Variants in MBNL3 observed in about 807,000 individuals in gnomAD.
MBNL3 encodes the protein muscleblind-like protein 3.
Under a neutral mutation model 24.5 loss-of-function variants are expected in MBNL3, and 6 were observed. The ratio of observed to expected loss-of-function variants is 0.25; its 90% CI spans 0.13 to 0.48. The LOEUF (loss-of-function observed/expected upper bound fraction) is 0.48, where lower values mean the gene tolerates loss of function less well. Among genes scored for constraint, MBNL3 ranks in the 20% least tolerant of loss-of-function variants. The pLI is 0.99. For missense variants in MBNL3, 230 were observed against 293.5 expected, an observed-to-expected ratio of 0.78 and a Z score of 1.58; for synonymous variants, 100 against 101.7, an observed-to-expected ratio of 0.98 and a Z score of 0.10.
At chrX:132,440,708 G>A in intron 1 of MBNL3, among the ~76,000 whole-genome samples, 1 of 112,291 alleles carries the variant, frequency 8.9e-6, no homozygotes, top group African/African-American at 3.2e-5. Flanking sequence ...ATACAAACAA[G>A]TGAGACAGAA....
At chrX:132,397,373 TCTC>T (rs1164158138) in intron 3 of MBNL3, among the ~76,000 whole-genome samples, 1 of 111,257 alleles carries the variant, frequency 9.0e-6, no homozygotes, top group East Asian at 2.8e-4. Context: ...AATCTTTGTG[TCTC>T]CTCAATAGCC....
chrX:132,422,335 T>G (rs1943902381), intron 2 of MBNL3, among the ~76,000 whole-genome samples: 1 of 111,846 alleles, frequency 8.9e-6, no homozygotes, highest in African/African-American at 3.3e-5. Flanking sequence ...TTCCACACAT[T>G]TAGACACCAG....
At chrX:132,431,301 C>A (rs1379679445) in intron 2 of MBNL3, 2 of 111,737 alleles carry the variant, frequency 1.8e-5, no homozygotes, top group Non-Finnish European at 3.8e-5. Context: ...AATTGGAATT[C>A]TTCTGTAAGG....
intron 1 of MBNL3, among the ~76,000 whole-genome samples, chrX:132,447,994 A>G (rs1438129692): frequency 8.9e-6 from 1 of 112,330 alleles, no homozygotes; most frequent in Non-Finnish European, 1.9e-5. Context: ...CCTTTTCTGC[A>G]TCTATTGAGA....
At chrX:132,392,992 A>T (rs1275504507) in intron 3 of MBNL3, among the ~76,000 whole-genome samples, 1 of 111,471 alleles carries the variant, frequency 9.0e-6, no homozygotes, top group Non-Finnish European at 1.9e-5. Flanking sequence ...CCTGTTTTTT[A>T]AATTTTTATG....
rs781768251 is a variant in MBNL3, at chrX:132,453,758, T to C, written c.-703-13444A>G. Among the ~76,000 whole-genome samples, 50 of 111,200 alleles carry C rather than the reference T, an allele frequency of 4.5e-4. 1 individual carries two copies. In the Middle Eastern group the frequency reaches 0.014, roughly 31 times the overall value. ...AATGGCATCCTGTAAATTCCTGCTA[T>C]AGGGCTTTAAGCAGCACCCCTTTCA... On this transcript the variant is annotated intron_variant, in intron 1 of 8. Coordinates refer to ENST00000370853, the MANE Select transcript of MBNL3 (RefSeq NM_001386889.1).
intron 1 of MBNL3, among the ~76,000 whole-genome samples, chrX:132,484,622 C>T (rs981265867): frequency 9.0e-6 from 1 of 111,374 alleles, no homozygotes; most frequent in Non-Finnish European, 1.9e-5. Flanking sequence ...CCAGGATGCT[C>T]CCATGGCTTA....
intron 6 of MBNL3, among the ~76,000 whole-genome samples, chrX:132,384,937 A>G (rs1935729042): frequency 8.9e-6 from 1 of 112,158 alleles, no homozygotes. Flanking sequence ...TTTCTTTAAA[A>G]GAATTAACTC....
intron 2 of MBNL3, chrX:132,432,147 T>C (rs748342399): frequency 9.0e-6 from 1 of 111,124 alleles, no homozygotes; most frequent in Non-Finnish European, 1.9e-5. Flanking sequence ...AAATGGAAAA[T>C]AAGTATGGAT....
chrX:132,454,328 G>A (rs778838538), intron 1 of MBNL3, among the ~76,000 whole-genome samples: 22 of 111,142 alleles, frequency 2.0e-4, no homozygotes, highest in Non-Finnish European at 3.8e-4. Context: ...TAATTCTCTA[G>A]TCAAACATGA....
chrX:132,476,194 G>A (rs1444334162), intron 1 of MBNL3, among the ~76,000 whole-genome samples: 1 of 111,022 alleles, frequency 9.0e-6, no homozygotes, highest in East Asian at 2.8e-4. Context: ...TCCTGGATCT[G>A]AGATGATCAA....
At chrX:132,382,375 G>T in intron 7 of MBNL3, 103 bp from the exon 8 acceptor site, 1 of 587,727 alleles carries the variant, frequency 1.7e-6, no homozygotes, top group Non-Finnish European at 2.7e-6. Context: ...ACAGCAACAA[G>T]CCATGTGACA....
At chrX:132,408,093 T>C (rs1357979865) in intron 2 of MBNL3, among the ~76,000 whole-genome samples, 3 of 10,058 alleles carry the variant, frequency 3.0e-4, no homozygotes, top group African/African-American at 8.5e-4. Context: ...AATTTCAGTC[T>C]TTTTTTTTTT....
At chrX:132,386,886 A>G in intron 5 of MBNL3, 75 bp from the exon 6 acceptor site, 1 of 1,103,953 alleles carries the variant, frequency 9.1e-7, no homozygotes, top group Non-Finnish European at 1.2e-6. Flanking sequence ...CCAGTCATAT[A>G]AGGTATTTCC....
intron 1 of MBNL3, among the ~76,000 whole-genome samples, chrX:132,477,899 T>A (rs1439171938): frequency 1.8e-5 from 2 of 112,043 alleles, no homozygotes; most frequent in African/African-American, 6.5e-5. Context: ...TCTACAATTT[T>A]AAAATTCATT....
chrX:132,386,639 G>A (rs1371710350), intron 6 of MBNL3, 22 bp downstream of exon 6: 1 of 1,207,575 alleles, frequency 8.3e-7, no homozygotes, highest in East Asian at 3.0e-5. Flanking sequence ...ACTCGCTGCA[G>A]TGCCTAGAGC....
rs925804853 is a variant in MBNL3 at position 132,374,682 on chromosome X, C to T, written c.*4984G>A. On this transcript the variant is annotated 3_prime_UTR_variant, in exon 9 of 9. Transcript: ENST00000370853. Reference sequence around the variant, plus strand: ...AAAGGTGTGTCTCACACATCCGCACCCTAACTGAGACAGTCAATTAACTGC... The same window carrying T: ...AAAGGTGTGTCTCACACATCCGCACTCTAACTGAGACAGTCAATTAACTGC... 2 of 111,691 alleles carry T rather than the reference C, an allele frequency of 1.8e-5. No homozygotes were observed. Among genetic ancestry groups the T allele is most frequent in the East Asian group, 2.8e-4 (1 of 3,577 alleles). 9.2% of individuals were successfully genotyped at this position (111,691 alleles called of 1,213,427 possible).
intron 2 of MBNL3, among the ~76,000 whole-genome samples, chrX:132,422,098 CAT>C (rs1569445514): frequency 1.8e-5 from 2 of 109,268 alleles, no homozygotes; most frequent in East Asian, 2.8e-4. Flanking sequence ...AAGATTGACT[CAT>C]ATAAATGTGA....
intron 3 of MBNL3, 132 bp downstream of exon 3, chrX:132,406,096 A>C: frequency 5.4e-6 from 4 of 736,558 alleles, no homozygotes; most frequent in Non-Finnish European, 6.2e-6. Context: ...CTTCAAGTGC[A>C]CAGCTCTGTA....
Sources: allele counts gnomAD v4.1 joint callset (sites outside exome capture counted in the v4.1 genomes callset), GRCh38; gene constraint gnomAD v4.1.1; transcripts MANE v1.5; gene names NCBI Gene and HGNC (gene_info 2026-07-23, HGNC 2026-07-21).